SEZ6: variants seen among roughly 807,000 people sequenced by gnomAD.
SEZ6 encodes seizure related 6 homolog, also known as seizure protein 6 homolog.
Under a neutral mutation model 101.0 loss-of-function variants are expected in SEZ6, and 53 were observed. That is an observed-to-expected ratio of 0.52 (90% CI 0.42 to 0.66). The LOEUF is 0.66. Ranked by LOEUF, SEZ6 falls within the 30% of genes least tolerant of loss-of-function variation. The pLI is 0.00. For missense variants in SEZ6, 1,102 were observed against 1,289.4 expected, an observed-to-expected ratio of 0.85 and a Z score of 2.23; for synonymous variants, 488 against 512.2, an observed-to-expected ratio of 0.95 and a Z score of 0.64.
At position 28,959,137 on chromosome 17, in the gene SEZ6, G is replaced by A. The variant is rs985261568; in HGVS notation, c.1995C>T (p.Pro665=). The change falls in exon 10 of 17, where the codon CCC becomes CCT. Residue 665 remains proline (P), a synonymous_variant. Coordinates refer to ENST00000317338, the MANE Select transcript of SEZ6 (RefSeq NM_178860.5). This position sits in a 1 kb window ranked among gnomAD's most constrained non-coding sequence, Gnocchi z 4.4. ...AGGTAAAGAGCTTGAAGTGGCTACG[G>A]GGCCCTGAGTACTGGCCCAGAACCC... ...TARVLGQYSG[P]RSHFKLFTSM... The A allele has an allele frequency of 1.2e-6, 2 of 1,613,810 alleles. No individual in the cohort carries two copies. Among genetic ancestry groups the A allele is most frequent in the African/African-American group, 1.3e-5 (1 of 74,926 alleles).
intron 1 of SEZ6, among the ~76,000 whole-genome samples, chr17:28,998,096 G>T (rs2041567326): frequency 6.6e-6 from 1 of 151,934 alleles, no homozygotes; most frequent in Non-Finnish European, 1.5e-5. Flanking sequence ...GAGGGAAGGA[G>T]AGAGGAAGGG....
In SEZ6 at chr17:28,955,290, C is replaced by T. The variant is rs2200781; in HGVS notation, c.*672G>A. 148 of 217,452 alleles carry T rather than the reference C, an allele frequency of 6.8e-4. 1 individual carries two copies. Among genetic ancestry groups the T allele is most frequent in the African/African-American group, 3.2e-3 (139 of 43,832 alleles). The allele number at this position is 217,452 out of a possible 1,614,324, so 13.5% of individuals were successfully genotyped here. A position where few individuals can be genotyped will look rare whatever the true frequency, so the allele number is the denominator to read the frequency against. ...GTATAGGGTGGTCAGTGGAAAATGG[C>T]GTGTCCTGCTTTGGTGTGGAGCATG... On this transcript the variant is annotated 3_prime_UTR_variant, in exon 17 of 17. Coordinates refer to ENST00000317338, the MANE Select transcript of SEZ6 (RefSeq NM_178860.5).
At chr17:28,972,177 C>T (rs1424264254) in intron 3 of SEZ6, among the ~76,000 whole-genome samples, 1 of 152,252 alleles carries the variant, frequency 6.6e-6, no homozygotes, top group Non-Finnish European at 1.5e-5. Context: ...GCCAGCAGTC[C>T]TTCTGTTTCA....
In SEZ6 at chr17:29,005,955, G is replaced by T; in HGVS notation, c.-86C>A. On this transcript the variant is annotated 5_prime_UTR_variant, in exon 1 of 17. Coordinates refer to ENST00000317338, the MANE Select transcript of SEZ6 (RefSeq NM_178860.5). This position sits in a 1 kb window ranked among gnomAD's most constrained non-coding sequence, Gnocchi z 4.8. ...GGGCTTGGGCGCGGGGGCAGAGCCG[G>T]GTCCGGCCGGGTAGAGGGAGCGGGG... is the stretch of plus-strand genomic sequence containing the variant. 8.4e-7 allele frequency: 1 copy of T among 1,192,492 alleles called. No homozygotes were observed. Among genetic ancestry groups the T allele is most frequent in the Non-Finnish European group, 1.1e-6 (1 of 934,032 alleles). The allele number at this position is 1,192,492 out of a possible 1,614,324, so 73.9% of individuals were successfully genotyped here.
At chr17:28,958,617 C>T (rs759658706) in intron 10 of SEZ6, among the ~76,000 whole-genome samples, 29 of 151,994 alleles carry the variant, frequency 1.9e-4, no homozygotes, top group Admixed American at 3.3e-4. Flanking sequence ...TGGCAAAATC[C>T]GGTCTCCACT....
intron 3 of SEZ6, among the ~76,000 whole-genome samples, chr17:28,975,178 C>G (rs925883410): frequency 1.3e-5 from 2 of 152,198 alleles, no homozygotes; most frequent in Non-Finnish European, 2.9e-5. Flanking sequence ...TTACTTTGCC[C>G]TCAGGTCTGC....
intron 5 of SEZ6, among the ~76,000 whole-genome samples, chr17:28,963,406 C>T (rs1013756702): frequency 6.6e-6 from 1 of 152,180 alleles, no homozygotes; most frequent in African/African-American, 2.4e-5. Flanking sequence ...TCATAAGCTT[C>T]AACAGCTCCT....
At chr17:28,981,293 T>C (rs1293137737) in intron 2 of SEZ6, 78 bp downstream of exon 2, 5 of 1,481,352 alleles carry the variant, frequency 3.4e-6, no homozygotes, top group Non-Finnish European at 4.5e-6. Flanking sequence ...GCTGGCACAG[T>C]GTCAGAGACA....
intron 1 of SEZ6, among the ~76,000 whole-genome samples, chr17:28,987,880 C>T (rs1283281167): frequency 6.6e-6 from 1 of 152,214 alleles, no homozygotes; most frequent in Non-Finnish European, 1.5e-5. Context: ...CGGACTGGAA[C>T]CCAAAGCTGG....
intron 1 of SEZ6, among the ~76,000 whole-genome samples, chr17:28,991,932 C>A (rs987164514): frequency 1.3e-5 from 2 of 152,190 alleles, no homozygotes; most frequent in Non-Finnish European, 2.9e-5. Context: ...CAGCCAGGAA[C>A]ACTTAGCTTC....
At chr17:28,975,192 G>A (rs1171114345) in intron 3 of SEZ6, among the ~76,000 whole-genome samples, 1 of 152,202 alleles carries the variant, frequency 6.6e-6, no homozygotes, top group African/African-American at 2.4e-5. Flanking sequence ...GGTCTGCCAG[G>A]GCTCTGCCTG....
chr17:28,965,182 T>C (rs2041045223), intron 4 of SEZ6, among the ~76,000 whole-genome samples: 1 of 150,134 alleles, frequency 6.7e-6, no homozygotes. Context: ...AGAAACCCCA[T>C]CTCTACTAAA....
intron 4 of SEZ6, among the ~76,000 whole-genome samples, chr17:28,965,676 C>A (rs1365239580): frequency 2.0e-5 from 3 of 151,838 alleles, no homozygotes; most frequent in Non-Finnish European, 4.4e-5. Context: ...AAGATGGGGA[C>A]GAGGGTAGGG....
chr17:28,957,871 C>T, intron 11 of SEZ6, 76 bp downstream of exon 11: 1 of 1,492,100 alleles, frequency 6.7e-7, no homozygotes, highest in Non-Finnish European at 9.2e-7. Flanking sequence ...ATAACAGCTA[C>T]AGTCTGGTTC....
chr17:28,958,161 A>G lies in SEZ6; in HGVS notation c.2108-20T>C. The G allele has an allele frequency of 6.3e-7, 1 of 1,577,800 alleles. No individual in the cohort carries two copies. The highest frequency in any genetic ancestry group is 1.7e-5 in the Admixed American group (1 of 58,898). ...GCACCTCTGGGGGCACAGAGGCACA[A>G]GATGCAGGCCCTCGGCCAGCACCAA... On this transcript the variant is annotated intron_variant, in intron 10 of 16. Transcript: ENST00000317338.
intron 1 of SEZ6, among the ~76,000 whole-genome samples, chr17:28,982,693 G>A (rs916999526): frequency 2.0e-5 from 3 of 152,044 alleles, no homozygotes; most frequent in South Asian, 4.2e-4. Flanking sequence ...TCGCTGTGTG[G>A]CCCGGGCTGC....
chr17:28,957,890 G>A, intron 11 of SEZ6, 57 bp downstream of exon 11: 1 of 1,565,426 alleles, frequency 6.4e-7, no homozygotes, highest in Non-Finnish European at 8.7e-7. Flanking sequence ...TCAGAATCCA[G>A]GAGAGAGGTT....
chr17:28,980,521 C>G (rs533774019), intron 2 of SEZ6, among the ~76,000 whole-genome samples: 18 of 152,138 alleles, frequency 1.2e-4, no homozygotes, highest in African/African-American at 3.4e-4. Flanking sequence ...GGGCACCCCC[C>G]ACTACGCCCG....
Position 28,994,306 on chromosome 17 carries a change from C to T in SEZ6, c.55+11509G>A, listed in dbSNP as rs528684361. Among the ~76,000 whole-genome samples, 6 of 151,956 alleles carry T rather than the reference C, an allele frequency of 3.9e-5. No individual in the cohort carries two copies. The South Asian group carries it at 1.2e-3, about 32-fold the overall frequency. On this transcript the variant is annotated intron_variant, in intron 1 of 16. Coordinates refer to ENST00000317338, the MANE Select transcript of SEZ6 (RefSeq NM_178860.5). Reference sequence around the variant, plus strand: ...TTTTTCCTTTTTGGAGACGGAGTCTCACTCTGTCACCCAGGCTGGAGTACA... The same window carrying T: ...TTTTTCCTTTTTGGAGACGGAGTCTTACTCTGTCACCCAGGCTGGAGTACA...
Sources: allele counts gnomAD v4.1 joint callset (sites outside exome capture counted in the v4.1 genomes callset), GRCh38; gene constraint gnomAD v4.1.1; non-coding constraint Gnocchi (gnomAD v3.1); transcripts MANE v1.5; gene names NCBI Gene and HGNC (gene_info 2026-07-23, HGNC 2026-07-21).